SIPA1L1: variants seen among roughly 807,000 people sequenced by gnomAD.
SIPA1L1 encodes the protein signal induced proliferation associated 1 like 1, also known as signal-induced proliferation-associated 1-like protein 1.
Under a neutral mutation model 162.7 loss-of-function variants are expected in SIPA1L1, and 26 were observed. The ratio of observed to expected loss-of-function variants is 0.16; its 90% CI spans 0.12 to 0.22. SIPA1L1 has a LOEUF of 0.22. SIPA1L1 is among the 10% of genes least tolerant of loss of function. The pLI is 1.00. For synonymous variants in SIPA1L1, 829 were observed against 837.4 expected (o/e 0.99, Z 0.17); for missense variants, 1,874 against 2,241.0 (o/e 0.84, Z 3.31).
chr14:71,382,346 G>C (rs143701566), intron 2 of SIPA1L1, among the ~76,000 whole-genome samples: 2,626 of 152,250 alleles, frequency 0.017, 72 homozygotes, highest in African/African-American at 0.06. Flanking sequence ...TTGGGTGGTA[G>C]AAAACATATC....
intron 2 of SIPA1L1, among the ~76,000 whole-genome samples, chr14:71,479,143 GT>G (rs1383316760): frequency 6.6e-6 from 1 of 152,102 alleles, no homozygotes; most frequent in Non-Finnish European, 1.5e-5. Flanking sequence ...CTCATTGCCA[GT>G]TTGGTAGTAC....
At chr14:71,505,423 T>TC (rs1225824949) in intron 2 of SIPA1L1, among the ~76,000 whole-genome samples, 22 of 143,842 alleles carry the variant, frequency 1.5e-4, no homozygotes, top group Non-Finnish European at 2.4e-4. Context: ...TCTTTCTTCT[T>TC]TTTTTTTTTT....
intron 5 of SIPA1L1, among the ~76,000 whole-genome samples, chr14:71,612,287 C>T (rs1044091376): frequency 6.6e-6 from 1 of 152,190 alleles, no homozygotes; most frequent in Non-Finnish European, 1.5e-5. Context: ...TACCAATCCA[C>T]AGTGCCACCA....
intron 15 of SIPA1L1, among the ~76,000 whole-genome samples, chr14:71,703,270 C>T (rs1240590586): frequency 1.3e-5 from 2 of 152,190 alleles, no homozygotes; most frequent in African/African-American, 4.8e-5. Flanking sequence ...CTAGTTGCAT[C>T]AGTGTAGGAT....
intron 12 of SIPA1L1, among the ~76,000 whole-genome samples, chr14:71,673,880 G>A (rs747134828): frequency 1.8e-4 from 27 of 152,108 alleles, no homozygotes; most frequent in Non-Finnish European, 3.8e-4. Context: ...AGCCTTTTCT[G>A]GTTTCCCCAA....
At chr14:71,580,356 G>T (rs1397076760) in intron 4 of SIPA1L1, among the ~76,000 whole-genome samples, 1 of 152,190 alleles carries the variant, frequency 6.6e-6, no homozygotes, top group African/African-American at 2.4e-5. Context: ...TCCCAGGAAA[G>T]GGGAACTAAT....
intron 12 of SIPA1L1, among the ~76,000 whole-genome samples, chr14:71,679,109 AG>A (rs1212221726): frequency 6.6e-6 from 1 of 152,180 alleles, no homozygotes; most frequent in Admixed American, 6.5e-5. Context: ...CTCCTCGAGA[AG>A]AGCAACTCCA....
At chr14:71,547,736 C>T (rs2055374872) in intron 4 of SIPA1L1, among the ~76,000 whole-genome samples, 1 of 152,186 alleles carries the variant, frequency 6.6e-6, no homozygotes. Context: ...TGCTACTGTA[C>T]CCAGAGCAGA....
chr14:71,388,820 T>C (rs1159177797), intron 2 of SIPA1L1, among the ~76,000 whole-genome samples: 1 of 152,230 alleles, frequency 6.6e-6, no homozygotes, highest in East Asian at 1.9e-4. Context: ...CCCTCCCTAG[T>C]GCTACCTACA....
At chr14:71,701,412 G>A (rs1051094351) in intron 14 of SIPA1L1, among the ~76,000 whole-genome samples, 15 of 151,442 alleles carry the variant, frequency 9.9e-5, no homozygotes, top group Admixed American at 2.6e-4. Context: ...TGGAGCCTGG[G>A]GTCTCTGTTG....
At chr14:71,423,394 A>T (rs1567004936) in intron 2 of SIPA1L1, among the ~76,000 whole-genome samples, 2 of 152,164 alleles carry the variant, frequency 1.3e-5, no homozygotes, top group Non-Finnish European at 2.9e-5. Flanking sequence ...CTAAGAAAAC[A>T]TTGCCAAAGC....
At chr14:71,655,711 C>T (rs988287783) in intron 8 of SIPA1L1, among the ~76,000 whole-genome samples, 4 of 152,088 alleles carry the variant, frequency 2.6e-5, no homozygotes, top group African/African-American at 9.7e-5. Flanking sequence ...GTACATTTCT[C>T]CAGTGATTAG....
At chr14:71,602,835 G>C (rs1232341478) in intron 5 of SIPA1L1, among the ~76,000 whole-genome samples, 1 of 152,206 alleles carries the variant, frequency 6.6e-6, no homozygotes, top group Admixed American at 6.5e-5. Context: ...ACTGTGAACT[G>C]CACATGCGAG....
chr14:71,517,934 C>A (rs1324969509), intron 3 of SIPA1L1, among the ~76,000 whole-genome samples: 2 of 151,674 alleles, frequency 1.3e-5, no homozygotes, highest in African/African-American at 2.4e-5. Context: ...TTTTTATTTT[C>A]TTCATGGTAT....
intron 2 of SIPA1L1, chr14:71,448,557 A>G (rs1352529123): frequency 1.3e-5 from 2 of 152,244 alleles, no homozygotes; most frequent in South Asian, 2.1e-4. Flanking sequence ...AATAAAGAAG[A>G]CATTTCTGAA....
chr14:71,354,038 TCAAA>T (rs1188932359), intron 2 of SIPA1L1, among the ~76,000 whole-genome samples: 6 of 152,094 alleles, frequency 3.9e-5, no homozygotes, highest in Admixed American at 2.6e-4. Flanking sequence ...TATGAAATAC[TCAAA>T]CAATTTTTTT....
chr14:71,326,305 T>G, intron 2 of SIPA1L1, among the ~76,000 whole-genome samples: 1 of 151,316 alleles, frequency 6.6e-6, no homozygotes, highest in East Asian at 2.0e-4. Flanking sequence ...GCCTCCTGGG[T>G]TCAAGCGATT....
chr14:71,422,421 T>TA (rs1162343074), intron 2 of SIPA1L1, among the ~76,000 whole-genome samples: 1 of 152,314 alleles, frequency 6.6e-6, no homozygotes, highest in East Asian at 1.9e-4. Context: ...TCCATCTTCA[T>TA]AACTCTTTTC....
intron 2 of SIPA1L1, among the ~76,000 whole-genome samples, chr14:71,479,450 T>C (rs181383681): frequency 1.1e-4 from 16 of 152,122 alleles, no homozygotes; most frequent in South Asian, 2.1e-4. Flanking sequence ...GGCTGGAGTT[T>C]AGTGGCACAA....
Sources: allele counts gnomAD v4.1 joint callset (sites outside exome capture counted in the v4.1 genomes callset), GRCh38; gene constraint gnomAD v4.1.1; transcripts MANE v1.5; gene names NCBI Gene and HGNC (gene_info 2026-07-23, HGNC 2026-07-21).